Variants in CPA6 observed in about 807,000 individuals in gnomAD.
The protein encoded by CPA6 is carboxypeptidase A6.
In CPA6, 58 loss-of-function variants were observed where a neutral mutation model predicts 63.3. The ratio of observed to expected loss-of-function variants is 0.92; its 90% CI spans 0.74 to 1.14. CPA6 has a LOEUF of 1.14. Among genes scored for constraint, CPA6 ranks in the 50% most tolerant of loss-of-function variants. The pLI is 0.00. For missense variants in CPA6, 565 were observed against 526.6 expected, an observed-to-expected ratio of 1.07 and a Z score of -0.71; for synonymous variants, 185 against 179.0, an observed-to-expected ratio of 1.03 and a Z score of -0.27.
At chr8:67,475,405 G>A (rs908844451) in intron 8 of CPA6, among the ~76,000 whole-genome samples, 1 of 152,224 alleles carries the variant, frequency 6.6e-6, no homozygotes, top group Non-Finnish European at 1.5e-5. Context: ...TGTGATAAAA[G>A]CTCCTGCTAC....
chr8:67,507,491 C>T lies in CPA6; in HGVS notation c.535-603G>A, dbSNP rs554523977. Among the ~76,000 whole-genome samples the T allele has an allele frequency of 9.2e-5, 14 of 152,122 alleles. No individual in the cohort carries two copies. In the South Asian group the frequency reaches 2.7e-3, roughly 29 times the overall value. On this transcript the variant is annotated intron_variant, in intron 5 of 10. Coordinates refer to ENST00000297770, the MANE Select transcript of CPA6 (RefSeq NM_020361.5). ...CTACCATATCAATATTACTTTTAAC[C>T]TGGTTGCTAACCGAGAAATCAATAG...
Position 67,524,731 on chromosome 8 carries a change from T to G in CPA6, c.193-6684A>C, listed in dbSNP as rs148445874. ...ACTACAATTGTAATGTTAATATTTG[T>G]TTCCCCCATTCTCTGTGACAGTAGG... On this transcript the variant is annotated intron_variant, in intron 2 of 10. Transcript: ENST00000297770. 1.3e-3 allele frequency among the ~76,000 whole-genome samples: 201 copies of G among 152,248 alleles called. 2 individuals are homozygous for G. The highest frequency in any genetic ancestry group is 4.7e-3 in the African/African-American group (196 of 41,528).
At chr8:67,512,684 G>GC (rs1812065678) in intron 3 of CPA6, among the ~76,000 whole-genome samples, 2 of 152,124 alleles carry the variant, frequency 1.3e-5, no homozygotes, top group African/African-American at 2.4e-5. Flanking sequence ...ATGTTAGAAA[G>GC]CCCCCCAGTG....
At chr8:67,480,829 A>G (rs13263838) in intron 8 of CPA6, among the ~76,000 whole-genome samples, 50,996 of 151,954 alleles carry the variant, frequency 0.34, 8,546 homozygotes, top group Middle Eastern at 0.47. Flanking sequence ...TCACCAACAC[A>G]TGTTATTGTC....
intron 1 of CPA6, among the ~76,000 whole-genome samples, chr8:67,744,530 G>T (rs964091742): frequency 6.6e-6 from 1 of 152,118 alleles, no homozygotes; most frequent in African/African-American, 2.4e-5. Flanking sequence ...AGTGCCACAC[G>T]CTGAAATAAT....
chr8:67,545,119 C>T (rs1272222468), intron 2 of CPA6, among the ~76,000 whole-genome samples: 2 of 152,120 alleles, frequency 1.3e-5, no homozygotes, highest in South Asian at 2.1e-4. Context: ...AATTATAAAG[C>T]ACCAGGTTAT....
At chr8:67,442,123 T>A (rs1810307964) in intron 8 of CPA6, among the ~76,000 whole-genome samples, 1 of 152,120 alleles carries the variant, frequency 6.6e-6, no homozygotes, top group Non-Finnish European at 1.5e-5. Context: ...TGTGTAATAA[T>A]GTAATAATAT....
intron 1 of CPA6, among the ~76,000 whole-genome samples, chr8:67,742,128 TTGTG>T (rs10684467): frequency 6.6e-6 from 1 of 150,568 alleles, no homozygotes; most frequent in African/African-American, 2.4e-5. Flanking sequence ...TGTTCTACTT[TTGTG>T]TGTGTGTGTG....
At chr8:67,549,334 G>A (rs1812889500) in intron 2 of CPA6, among the ~76,000 whole-genome samples, 1 of 152,140 alleles carries the variant, frequency 6.6e-6, no homozygotes, top group Non-Finnish European at 1.5e-5. Flanking sequence ...CTTACTTGTA[G>A]AATCATTTAT....
chr8:67,577,335 G>A (rs1311837452), intron 2 of CPA6, among the ~76,000 whole-genome samples: 1 of 152,162 alleles, frequency 6.6e-6, no homozygotes, highest in Non-Finnish European at 1.5e-5. Flanking sequence ...TTATATGTGA[G>A]CATGTGAACA....
chr8:67,443,635 CT>C (rs1303270624), intron 8 of CPA6, among the ~76,000 whole-genome samples: 1 of 152,180 alleles, frequency 6.6e-6, no homozygotes, highest in Non-Finnish European at 1.5e-5. Context: ...AAACCCCATA[CT>C]TTTTAGCAGT....
chr8:67,507,999 TTGTGTGTGTGTG>T (rs145996041), intron 5 of CPA6, among the ~76,000 whole-genome samples: 2,238 of 142,380 alleles, frequency 0.016, 24 homozygotes, highest in Non-Finnish European at 0.023. Flanking sequence ...ATGGGGTGCT[TTGTGTGTGTGTG>T]TGTGTGTGTG....
chr8:67,564,441 A>G (rs551549079), intron 2 of CPA6, among the ~76,000 whole-genome samples: 1 of 150,076 alleles, frequency 6.7e-6, no homozygotes, highest in African/African-American at 2.4e-5. Flanking sequence ...TGTTTTGGAT[A>G]TAGAGAACTA....
At chr8:67,669,948 A>G (rs999818574) in intron 1 of CPA6, among the ~76,000 whole-genome samples, 3 of 152,336 alleles carry the variant, frequency 2.0e-5, no homozygotes, top group Non-Finnish European at 4.4e-5. Flanking sequence ...CCTTGTGTTC[A>G]GTTAGAATGT....
At chr8:67,503,286 G>T (rs914636411) in intron 6 of CPA6, among the ~76,000 whole-genome samples, 12 of 151,386 alleles carry the variant, frequency 7.9e-5, no homozygotes, top group African/African-American at 2.9e-4. Flanking sequence ...TGGCCCACCT[G>T]CCTAGGCCTC....
chr8:67,700,348 C>A (rs1419625646), intron 1 of CPA6, among the ~76,000 whole-genome samples: 2 of 152,186 alleles, frequency 1.3e-5, no homozygotes, highest in Non-Finnish European at 2.9e-5. Context: ...TGGTAACTGA[C>A]CCCAAACTGT....
chr8:67,473,767 G>A (rs1811114782), intron 8 of CPA6, among the ~76,000 whole-genome samples: 1 of 152,062 alleles, frequency 6.6e-6, no homozygotes. Context: ...ACCACGCCTG[G>A]CTAATTTTTG....
chr8:67,423,369 G>C (rs1460241879), intron 10 of CPA6, among the ~76,000 whole-genome samples: 3 of 152,234 alleles, frequency 2.0e-5, no homozygotes, highest in Non-Finnish European at 4.4e-5. Flanking sequence ...ACAGGCGTGA[G>C]CCACTGTGCC....
intron 2 of CPA6, among the ~76,000 whole-genome samples, chr8:67,582,614 A>G (rs1292204892): frequency 1.3e-5 from 2 of 152,180 alleles, no homozygotes; most frequent in Non-Finnish European, 1.5e-5. Context: ...CTGAAGTTTC[A>G]TCATGTAGAA....
Sources: gnomAD v4.1 joint callset for allele counts (sites outside exome capture counted in the v4.1 genomes callset) on GRCh38, gnomAD v4.1.1 for gene constraint, MANE v1.5 for transcripts, NCBI Gene and HGNC (gene_info 2026-07-23, HGNC 2026-07-21) for gene names.